Variants in FBN3 observed in about 807,000 individuals in gnomAD.
FBN3 encodes the protein fibrillin 3.
In FBN3, 234 loss-of-function variants were observed where a neutral mutation model predicts 330.1. The ratio of observed to expected loss-of-function variants is 0.71; its 90% CI spans 0.64 to 0.79. FBN3 has a LOEUF of 0.79. Among genes scored for constraint, FBN3 ranks in the 30% least tolerant of loss-of-function variants. The probability of loss-of-function intolerance (pLI) is 0.00; values close to 1 mark genes in which losing one functional copy is unlikely to be tolerated. For missense variants in FBN3, 3,606 were observed against 3,886.9 expected (o/e 0.93, Z 1.92); for synonymous variants, 1,458 against 1,517.3 (o/e 0.96, Z 0.91).
chr19:8,136,988 G>GA (rs2083298725), intron 10 of FBN3, among the ~76,000 whole-genome samples: 2 of 144,186 alleles, frequency 1.4e-5, no homozygotes, highest in African/African-American at 5.2e-5. Flanking sequence ...CCTCCAACCT[G>GA]GGGCCTGGAT....
At position 8,096,817 on chromosome 19, in the gene FBN3, C is replaced by T; in HGVS notation, c.5413+64G>A. 1 of 1,575,498 alleles carries T rather than the reference C, an allele frequency of 6.3e-7. No individual in the cohort carries two copies. The highest frequency in any genetic ancestry group is 1.1e-5 in the South Asian group (1 of 89,060). On this transcript the variant is annotated intron_variant, in intron 43 of 63. Coordinates refer to ENST00000600128, the MANE Select transcript of FBN3 (RefSeq NM_032447.5). This position sits in a 1 kb window ranked among gnomAD's most constrained non-coding sequence, Gnocchi z 4.6. ...AGAAAGACCTGGACAGAGCCATACC[C>T]CATCTAAGTCCCCATGGGTGACAGA... is the stretch of plus-strand genomic sequence containing the variant.
intron 38 of FBN3, among the ~76,000 whole-genome samples, chr19:8,104,654 T>C (rs2082399685): frequency 6.6e-6 from 1 of 152,074 alleles, no homozygotes; most frequent in South Asian, 2.1e-4. Flanking sequence ...GGGAAAAAAA[T>C]TGATTCTCAA....
intron 59 of FBN3, among the ~76,000 whole-genome samples, chr19:8,076,360 C>G (rs1328200630): frequency 6.6e-6 from 1 of 151,798 alleles, no homozygotes; most frequent in Non-Finnish European, 1.5e-5. Flanking sequence ...GGGCTGGGTA[C>G]AGTGGCTCAT....
At position 8,131,682 on chromosome 19, in the gene FBN3, T is replaced by A. The variant is rs1292968711; in HGVS notation, c.1862A>T (p.Tyr621Phe). Residue 621 changes from tyrosine to phenylalanine, a missense_variant, in exon 15 of 64, where the codon TAT becomes TTT. By Grantham distance (22) the Tyr-to-Phe change is conservative (BLOSUM62 3). Coordinates refer to ENST00000600128, the MANE Select transcript of FBN3 (RefSeq NM_032447.5). The surrounding 1 kb of genome is among the most constrained non-coding windows in gnomAD (Gnocchi z 4.5). Reference protein sequence around the residue: ...CVDTHVRSTCYGAIEKGSCAR... With the variant: ...CVDTHVRSTCFGAIEKGSCAR... The stretch of plus-strand genomic sequence containing the variant: ...ACAGGAGCCCTTCTCGATGGCCCCA[T>A]AGCAGGTGCTGCGCACGTGGGTGTC... The A allele has an allele frequency of 8.7e-6, 14 of 1,614,142 alleles. No individual in the cohort carries two copies. The highest frequency in any genetic ancestry group is 1.2e-5 in the Non-Finnish European group (14 of 1,180,026).
Position 8,095,977 on chromosome 19 carries a change from A to T in FBN3, c.5643T>A (p.Asn1881Lys). 2 of 1,612,084 alleles carry T rather than the reference A, an allele frequency of 1.2e-6. No individual in the cohort carries two copies. The highest frequency in any genetic ancestry group is 8.5e-7 in the Non-Finnish European group (1 of 1,178,174). The change falls in exon 45 of 64, where the codon AAT (asparagine) becomes AAA (lysine). Residue 1881 changes from asparagine to lysine, a missense_variant. By Grantham distance (94) the Asn-to-Lys change is moderately conservative. Coordinates refer to ENST00000600128, the MANE Select transcript of FBN3 (RefSeq NM_032447.5). ...LCFPGFVVTH[N>K]GDCVDFDECT... ...GAGCCGACTCACCCACACAATCCCC[A>T]TTGTGTGTCACCACAAAGCCAGGGA...
At chr19:8,091,676 T>A in intron 47 of FBN3, 86 bp from the exon 48 acceptor site, 1 of 1,495,854 alleles carries the variant, frequency 6.7e-7, no homozygotes, top group Non-Finnish European at 9.1e-7. Context: ...AAGGGACAGA[T>A]GGAGTGCAGG....
Position 8,096,327 on chromosome 19 carries a change from A to G in FBN3, c.5539+117T>C, listed in dbSNP as rs2082207578. 7.7e-7 allele frequency: 1 copy of G among 1,302,740 alleles called. No homozygotes were observed. The highest frequency in any genetic ancestry group is 1.0e-6 in the Non-Finnish European group (1 of 954,660). 80.7% of individuals were successfully genotyped at this position (1,302,740 alleles called of 1,614,324 possible). A position where few individuals can be genotyped will look rare whatever the true frequency, so the allele number is the denominator to read the frequency against. ...ATTTACCCAAGATCTTAATCTCAGG[A>G]CCCAAACTTGGATCTCTTTGTGAAC... On this transcript the variant is annotated intron_variant, in intron 44 of 63. Coordinates refer to ENST00000600128, the MANE Select transcript of FBN3 (RefSeq NM_032447.5). This position sits in a 1 kb window ranked among gnomAD's most constrained non-coding sequence, Gnocchi z 4.6.
At position 8,112,086 on chromosome 19, in the gene FBN3, G is replaced by A. The variant is rs1293942668; in HGVS notation, c.3852C>T (p.Cys1284=). 3.7e-6 allele frequency: 6 copies of A among 1,613,076 alleles called. No homozygotes were observed. Among genetic ancestry groups the A allele is most frequent in the African/African-American group, 1.3e-5 (1 of 74,812 alleles). The change falls in exon 31 of 64, where the codon TGC becomes TGT. Residue 1284 remains cysteine, a synonymous_variant. Coordinates refer to ENST00000600128, the MANE Select transcript of FBN3 (RefSeq NM_032447.5). Reference sequence around the variant, plus strand: ...TGTCACAGTTGTGTCCTCCAACCTCGCATTCATCCACATCTAAAGGGAGAG... The same window carrying A: ...TGTCACAGTTGTGTCCTCCAACCTCACATTCATCCACATCTAAAGGGAGAG... ...GATGCSDVDE[C]EVGGHNCDSH...
Position 8,145,928 on chromosome 19 carries a change from G to A in FBN3, c.360C>T (p.Cys120=). 1 of 1,551,074 alleles carries A rather than the reference G, an allele frequency of 6.4e-7. No homozygotes were observed. The highest frequency in any genetic ancestry group is 8.7e-7 in the Non-Finnish European group (1 of 1,146,848). Residue 120 remains cysteine, a synonymous_variant, in exon 5 of 64, where the codon TGC becomes TGT. Transcript: ENST00000600128. ...TGCCCCCATTCATACAGCTCACACT[G>A]CACCCTGACCCTGGGGACAGGAAGG... ...PSCGVSRGSG[C]SVSCMNGGTC... is the part of the protein sequence containing the mutation.
chr19:8,076,662 C>T (rs536578271), intron 59 of FBN3, among the ~76,000 whole-genome samples: 1 of 152,204 alleles, frequency 6.6e-6, no homozygotes, highest in African/African-American at 2.4e-5. Flanking sequence ...TGTATACATA[C>T]ACATATATAT....
chr19:8,074,193 C>T (rs1426823869), intron 61 of FBN3, among the ~76,000 whole-genome samples: 2 of 152,004 alleles, frequency 1.3e-5, no homozygotes, highest in Non-Finnish European at 2.9e-5. Flanking sequence ...ATGAATGAGT[C>T]AGTACGGGGG....
Position 8,087,286 on chromosome 19 carries a change from C to T in FBN3, c.6620-75G>A, listed in dbSNP as rs79069797. 5.0e-3 allele frequency: 7,411 copies of T among 1,467,834 alleles called. 277 individuals carry two copies. In the African/African-American group the frequency reaches 0.082, roughly 16 times the overall value. The allele number at this position is 1,467,834 out of a possible 1,614,324, so 90.9% of individuals were successfully genotyped here. A position where few individuals can be genotyped will look rare whatever the true frequency, so the allele number is the denominator to read the frequency against. On this transcript the variant is annotated intron_variant, in intron 53 of 63. Transcript: ENST00000600128. ...CTGTGGGGACCTGGATTCCACCCTG[C>T]GTCAGCCCTGTGGGACCTGAGTGAG...
chr19:8,096,711 G>A lies in FBN3; in HGVS notation c.5414-142C>T, dbSNP rs1469326446. Reference sequence around the variant, plus strand: ...CCAGGGGCGTCAGGCTGTCTGCATGGACCTGAGCTCTCACCTCTATCACAT... The same window carrying A: ...CCAGGGGCGTCAGGCTGTCTGCATGAACCTGAGCTCTCACCTCTATCACAT... On this transcript the variant is annotated intron_variant, in intron 43 of 63. Coordinates refer to ENST00000600128, the MANE Select transcript of FBN3 (RefSeq NM_032447.5). This position sits in a 1 kb window ranked among gnomAD's most constrained non-coding sequence, Gnocchi z 4.6. 8 of 1,312,412 alleles carry A rather than the reference G, an allele frequency of 6.1e-6. No homozygotes were observed. The highest frequency in any genetic ancestry group is 2.3e-5 in the East Asian group (1 of 43,024). The allele number at this position is 1,312,412 out of a possible 1,614,324, so 81.3% of individuals were successfully genotyped here. A position where few individuals can be genotyped will look rare whatever the true frequency, so the allele number is the denominator to read the frequency against.
At chr19:8,104,943 TTCTC>T (rs1390427510) in intron 38 of FBN3, among the ~76,000 whole-genome samples, 2 of 151,828 alleles carry the variant, frequency 1.3e-5, no homozygotes, top group Non-Finnish European at 2.9e-5. Context: ...TTCTCTCTCT[TTCTC>T]TCTCTTTCTT....
chr19:8,115,478 G>A, intron 30 of FBN3, 37 bp downstream of exon 30: 2 of 1,608,728 alleles, frequency 1.2e-6, no homozygotes, highest in Non-Finnish European at 1.7e-6. Flanking sequence ...TGGCCCCGGG[G>A]AGTCCCCTCT....
Position 8,075,386 on chromosome 19 carries a change from A to G in FBN3, c.7479T>C (p.Pro2493=). 1 of 1,614,066 alleles carries G rather than the reference A, an allele frequency of 6.2e-7. No individual in the cohort carries two copies. ...AGTGCCCGTGGGCACCACATGGGCC[A>G]GGCTGGGCTGAGCACTCATCATTGT... is the stretch of plus-strand genomic sequence containing the variant. ...CFDNDECSAQ[P]GPCGAHGHCH... The change falls in exon 60 of 64, where the codon CCT becomes CCC. Residue 2493 remains proline (P), a synonymous_variant. Coordinates refer to ENST00000600128, the MANE Select transcript of FBN3 (RefSeq NM_032447.5).
At chr19:8,116,902 T>C in intron 28 of FBN3, 103 bp from the exon 29 acceptor site, 2 of 1,419,578 alleles carry the variant, frequency 1.4e-6, no homozygotes, top group Admixed American at 2.0e-5. Flanking sequence ...CAGGTGAGGA[T>C]AGCGATGGTC....
rs772366972 is a variant in FBN3 at position 8,072,130 on chromosome 19, G to A, written c.8006C>T (p.Ser2669Leu). The change falls in exon 63 of 64, where the codon TCG (serine) becomes TTG (leucine). Residue 2669 changes from serine to leucine, a missense_variant. Physicochemically the swap from Ser to Leu is moderately radical, Grantham distance 145 (BLOSUM62 -2). Transcript: ENST00000600128. Reference sequence around the variant, plus strand: ...CTTGCATTCGTAGCAGGCTTCAGACGAGAGCAGCTCCTCTTTGTCCGGGGT... The same window carrying A: ...CTTGCATTCGTAGCAGGCTTCAGACAAGAGCAGCTCCTCTTTGTCCGGGGT... Reference protein sequence around the residue: ...QDTPDKEELLSSEACYECKIN... With the variant: ...QDTPDKEELLLSEACYECKIN... 12 of 1,609,470 alleles carry A rather than the reference G, an allele frequency of 7.5e-6. No individual in the cohort carries two copies. The East Asian group carries it at 2.5e-4, about 33-fold the overall frequency.
intron 5 of FBN3, 108 bp from the exon 6 acceptor site, chr19:8,145,080 G>T: frequency 1.0e-6 from 1 of 993,424 alleles, no homozygotes; most frequent in South Asian, 1.4e-5. Flanking sequence ...GGCCCAGGTT[G>T]AATAAGACTG....
Sources: allele counts gnomAD v4.1 joint callset (sites outside exome capture counted in the v4.1 genomes callset), GRCh38; gene constraint gnomAD v4.1.1; non-coding constraint Gnocchi (gnomAD v3.1); transcripts MANE v1.5; gene names NCBI Gene and HGNC (gene_info 2026-07-23, HGNC 2026-07-21).